DOK6: variants seen among roughly 807,000 people sequenced by gnomAD.
DOK6 encodes the protein downstream of tyrosine kinase 6.
A neutral mutation model predicts 44.0 loss-of-function variants in DOK6; 22 were observed. The observed-to-expected ratio is 0.50, with a 90% CI of 0.36 to 0.71. The LOEUF (loss-of-function observed/expected upper bound fraction) is 0.71, where lower values mean the gene tolerates loss of function less well. DOK6 is among the 30% of genes least tolerant of loss of function. The pLI, the probability that DOK6 is intolerant of heterozygous loss-of-function variation, is 0.00. For missense variants in DOK6, 340 were observed against 416.4 expected (o/e 0.82, Z 1.60); for synonymous variants, 166 against 145.5 (o/e 1.14, Z -1.01).
At chr18:69,720,511 C>T (rs1986982945) in intron 5 of DOK6, among the ~76,000 whole-genome samples, 1 of 152,094 alleles carries the variant, frequency 6.6e-6, no homozygotes, top group African/African-American at 2.4e-5. Context: ...GTTATTGGCA[C>T]AAAGCTTCAA....
In DOK6 at chr18:69,467,034, C is replaced by T. The variant is rs137951388; in HGVS notation, c.66+65724C>T. On this transcript the variant is annotated intron_variant, in intron 1 of 7. Coordinates refer to ENST00000382713, the MANE Select transcript of DOK6 (RefSeq NM_152721.6). ...CTAGGAAGTAATAAATAAGTAGCAA[C>T]GTCAAAGAGATCAGAATGACGCATT... Among the ~76,000 whole-genome samples, 989 of 152,062 alleles carry T rather than the reference C, an allele frequency of 6.5e-3. 11 individuals are homozygous for T. The highest frequency in any genetic ancestry group is 0.022 in the African/African-American group (899 of 41,510).
chr18:69,753,110 G>A (rs767357265), intron 6 of DOK6, among the ~76,000 whole-genome samples: 8 of 152,154 alleles, frequency 5.3e-5, no homozygotes, highest in Non-Finnish European at 1.2e-4. Flanking sequence ...AATGAAATGT[G>A]TTCAAAAGAA....
intron 5 of DOK6, among the ~76,000 whole-genome samples, chr18:69,708,210 G>A (rs1986678014): frequency 1.3e-5 from 2 of 152,080 alleles, no homozygotes; most frequent in Non-Finnish European, 2.9e-5. Flanking sequence ...ATGTCTATCT[G>A]GTGACTCTGT....
At chr18:69,566,296 C>G (rs1982980613) in intron 2 of DOK6, among the ~76,000 whole-genome samples, 1 of 152,076 alleles carries the variant, frequency 6.6e-6, no homozygotes, top group African/African-American at 2.4e-5. Flanking sequence ...GCCACTGCAC[C>G]CAGCTAATTT....
At chr18:69,535,911 A>G (rs1982110078) in intron 1 of DOK6, among the ~76,000 whole-genome samples, 1 of 152,118 alleles carries the variant, frequency 6.6e-6, no homozygotes, top group South Asian at 2.1e-4. Flanking sequence ...CTAAAAATGA[A>G]TGGTCTTTGT....
At chr18:69,418,832 C>A (rs576719651) in intron 1 of DOK6, among the ~76,000 whole-genome samples, 5 of 152,190 alleles carry the variant, frequency 3.3e-5, no homozygotes, top group African/African-American at 1.2e-4. Context: ...GAAATGGCTG[C>A]TTCTAAATTT....
intron 3 of DOK6, among the ~76,000 whole-genome samples, chr18:69,603,068 G>C (rs181016026): frequency 5.3e-4 from 80 of 152,346 alleles, no homozygotes; most frequent in African/African-American, 1.9e-3. Context: ...TATTGTGAGA[G>C]TCCCATTTTT....
At chr18:69,433,467 A>G (rs1462211902) in intron 1 of DOK6, among the ~76,000 whole-genome samples, 2 of 152,200 alleles carry the variant, frequency 1.3e-5, no homozygotes, top group African/African-American at 4.8e-5. Flanking sequence ...AGTAAACTAT[A>G]ATGTAATAAA....
At chr18:69,673,142 G>A (rs1002363133) in intron 3 of DOK6, among the ~76,000 whole-genome samples, 1 of 151,958 alleles carries the variant, frequency 6.6e-6, no homozygotes, top group African/African-American at 2.4e-5. Flanking sequence ...AGTCTTACTT[G>A]CATCTTCTAA....
At chr18:69,474,738 C>A (rs2144525039) in intron 1 of DOK6, among the ~76,000 whole-genome samples, 1 of 152,234 alleles carries the variant, frequency 6.6e-6, no homozygotes, top group East Asian at 1.9e-4. Context: ...TTTCCCAGTG[C>A]AAAATTTAAC....
intron 3 of DOK6, among the ~76,000 whole-genome samples, chr18:69,644,952 G>A (rs1174826532): frequency 6.6e-6 from 1 of 152,152 alleles, no homozygotes; most frequent in Non-Finnish European, 1.5e-5. Flanking sequence ...TATTAAAATA[G>A]ATGTTTTAAC....
At chr18:69,625,243 G>T (rs1409801324) in intron 3 of DOK6, among the ~76,000 whole-genome samples, 1 of 152,116 alleles carries the variant, frequency 6.6e-6, no homozygotes, top group Non-Finnish European at 1.5e-5. Context: ...GTGATAAGTT[G>T]GAGTTGTTTT....
intron 5 of DOK6, among the ~76,000 whole-genome samples, chr18:69,713,665 A>C (rs967371469): frequency 6.6e-6 from 1 of 152,176 alleles, no homozygotes. Context: ...AAATTGTATA[A>C]GTTTTCAGCC....
intron 3 of DOK6, among the ~76,000 whole-genome samples, chr18:69,603,696 G>A (rs1359879286): frequency 2.0e-5 from 3 of 148,054 alleles, no homozygotes; most frequent in Non-Finnish European, 3.0e-5. Context: ...GCGTGAACCC[G>A]GGAGGCGGAG....
intron 1 of DOK6, among the ~76,000 whole-genome samples, chr18:69,429,674 A>G (rs1978751355): frequency 8.0e-6 from 1 of 125,456 alleles, no homozygotes. Context: ...TCTTATTAAT[A>G]CAACTCAAGG....
At chr18:69,812,791 C>G (rs1981280734) in intron 7 of DOK6, among the ~76,000 whole-genome samples, 1 of 152,068 alleles carries the variant, frequency 6.6e-6, no homozygotes, top group South Asian at 2.1e-4. Context: ...ATCAAGGCAC[C>G]TTCTTCACAA....
intron 3 of DOK6, among the ~76,000 whole-genome samples, chr18:69,677,086 T>C (rs544371909): frequency 2.0e-5 from 3 of 152,272 alleles, no homozygotes; most frequent in African/African-American, 7.2e-5. Flanking sequence ...CTAATTTGTA[T>C]TGTTTACAAA....
chr18:69,716,674 G>C (rs1021926386), intron 5 of DOK6, among the ~76,000 whole-genome samples: 2 of 115,220 alleles, frequency 1.7e-5, no homozygotes, highest in African/African-American at 3.4e-5. Flanking sequence ...TTGGATAACA[G>C]ATTCTCTGCA....
chr18:69,510,882 T>G (rs1044668503), intron 1 of DOK6, among the ~76,000 whole-genome samples: 3 of 152,184 alleles, frequency 2.0e-5, no homozygotes, highest in African/African-American at 7.2e-5. Flanking sequence ...CCCTCCCCTT[T>G]TTCTTTCTTT....
Sources: gnomAD v4.1 joint callset for allele counts (sites outside exome capture counted in the v4.1 genomes callset) on GRCh38, gnomAD v4.1.1 for gene constraint, MANE v1.5 for transcripts, NCBI Gene and HGNC (gene_info 2026-07-23, HGNC 2026-07-21) for gene names.